CHSY3: variants seen among roughly 807,000 people sequenced by gnomAD.
The protein encoded by CHSY3 is chondroitin sulfate synthase 3, also known as N-acetylgalactosaminyl-proteoglycan 3-beta-glucuronosyltransferase 3.
In CHSY3, 35 loss-of-function variants were observed where a neutral mutation model predicts 67.2. That is an observed-to-expected ratio of 0.52 (90% CI 0.40 to 0.69). The LOEUF (loss-of-function observed/expected upper bound fraction) is 0.69, where lower values mean the gene tolerates loss of function less well. Among genes scored for constraint, CHSY3 ranks in the 30% least tolerant of loss-of-function variants. CHSY3 has a pLI of 0.00. For missense variants in CHSY3, 1,069 were observed against 1,138.5 expected, an observed-to-expected ratio of 0.94 and a Z score of 0.88; for synonymous variants, 474 against 434.7, an observed-to-expected ratio of 1.09 and a Z score of -1.12.
At chr5:130,161,800 A>T (rs2149728522) in intron 2 of CHSY3, among the ~76,000 whole-genome samples, 1 of 152,252 alleles carries the variant, frequency 6.6e-6, no homozygotes, top group South Asian at 2.1e-4. Flanking sequence ...GCACTCTGGG[A>T]GGCTGAGGCT....
At chr5:130,153,708 C>T (rs1281264437) in intron 2 of CHSY3, among the ~76,000 whole-genome samples, 1 of 152,170 alleles carries the variant, frequency 6.6e-6, no homozygotes, top group African/African-American at 2.4e-5. Flanking sequence ...GCACTGCTGC[C>T]AAGCCTCTGT....
chr5:129,963,980 C>T (rs1762405023), intron 2 of CHSY3, among the ~76,000 whole-genome samples: 1 of 151,892 alleles, frequency 6.6e-6, no homozygotes, highest in Non-Finnish European at 1.5e-5. Context: ...ATTTCTGAAT[C>T]ATGGTAGTGC....
intron 2 of CHSY3, among the ~76,000 whole-genome samples, chr5:129,990,222 C>T (rs185958746): frequency 6.6e-6 from 1 of 151,964 alleles, no homozygotes; most frequent in Non-Finnish European, 1.5e-5. Context: ...CTTCTGGTAG[C>T]AAATCCTTAA....
chr5:130,057,926 CAGAG>C (rs1015902688), intron 2 of CHSY3, among the ~76,000 whole-genome samples: 21 of 149,958 alleles, frequency 1.4e-4, no homozygotes, highest in Non-Finnish European at 2.4e-4. Context: ...GAGAGAGAGA[CAGAG>C]AGATACAGAG....
intron 2 of CHSY3, chr5:130,001,882 AG>A (rs1489602745): frequency 2.2e-6 from 2 of 929,716 alleles, no homozygotes; most frequent in South Asian, 5.0e-5. Context: ...TGTAACCAAA[AG>A]GTAATGGTGG....
At chr5:129,993,977 G>A (rs1455383692) in intron 2 of CHSY3, among the ~76,000 whole-genome samples, 4 of 152,114 alleles carry the variant, frequency 2.6e-5, no homozygotes, top group African/African-American at 9.7e-5. Context: ...ATGAAGCTTA[G>A]TTTGGCTGGA....
chr5:129,966,241 T>G (rs1762464853), intron 2 of CHSY3, among the ~76,000 whole-genome samples: 1 of 151,912 alleles, frequency 6.6e-6, no homozygotes, highest in Admixed American at 6.6e-5. Context: ...AATACATTCA[T>G]CTTTGGCAAC....
At chr5:129,930,857 T>C (rs2149588559) in intron 2 of CHSY3, among the ~76,000 whole-genome samples, 1 of 152,252 alleles carries the variant, frequency 6.6e-6, no homozygotes, top group Middle Eastern at 3.4e-3. Context: ...ACCCTACCAA[T>C]TAAAGTAACA....
intron 2 of CHSY3, among the ~76,000 whole-genome samples, chr5:130,093,560 T>C (rs1488357967): frequency 2.6e-5 from 4 of 152,200 alleles, no homozygotes; most frequent in African/African-American, 9.6e-5. Context: ...CTTCATATGC[T>C]TGAATTTGCT....
chr5:130,015,048 G>A (rs1390406623), intron 2 of CHSY3, among the ~76,000 whole-genome samples: 1 of 152,208 alleles, frequency 6.6e-6, no homozygotes, highest in Non-Finnish European at 1.5e-5. Flanking sequence ...AATTCCCACT[G>A]TTAGAGGAGG....
chr5:129,923,517 G>A (rs1760990846), intron 2 of CHSY3, among the ~76,000 whole-genome samples: 1 of 152,116 alleles, frequency 6.6e-6, no homozygotes, highest in Non-Finnish European at 1.5e-5. Context: ...ATTTTATAAT[G>A]GGAAAGACAA....
chr5:130,019,797 A>G (rs1764314878), intron 2 of CHSY3, among the ~76,000 whole-genome samples: 1 of 152,194 alleles, frequency 6.6e-6, no homozygotes, highest in Admixed American at 6.5e-5. Context: ...CTCTCATGTC[A>G]CTAACGCTAT....
chr5:129,955,006 C>T (rs1372640249), intron 2 of CHSY3, among the ~76,000 whole-genome samples: 1 of 152,002 alleles, frequency 6.6e-6, no homozygotes, highest in South Asian at 2.1e-4. Context: ...GTAGGTGTGT[C>T]TATAGGCGCA....
chr5:130,010,743 C>A (rs1764030916), intron 2 of CHSY3, among the ~76,000 whole-genome samples: 1 of 151,888 alleles, frequency 6.6e-6, no homozygotes, highest in South Asian at 2.1e-4. Flanking sequence ...ACTAGGTAGA[C>A]AAATAAAATG....
chr5:130,124,102 T>C (rs938281968), intron 2 of CHSY3, among the ~76,000 whole-genome samples: 3 of 128,502 alleles, frequency 2.3e-5, no homozygotes, highest in African/African-American at 8.8e-5. Context: ...GGAAAAAGCA[T>C]AAAATTGACT....
chr5:129,904,702 C>T lies in CHSY3; in HGVS notation c.-128C>T. On this transcript the variant is annotated 5_prime_UTR_variant, in exon 1 of 3. Coordinates refer to ENST00000305031, the MANE Select transcript of CHSY3 (RefSeq NM_175856.5). Reference sequence around the variant, plus strand: ...CGGCGCTTCGACCTCCAGCCGGTGTCGGCGCCTAGGCGGCCGGCTGCGGCC... The same window carrying T: ...CGGCGCTTCGACCTCCAGCCGGTGTTGGCGCCTAGGCGGCCGGCTGCGGCC... 6 of 1,213,724 alleles carry T rather than the reference C, an allele frequency of 4.9e-6. No homozygotes were observed. Among genetic ancestry groups the T allele is most frequent in the South Asian group, 4.1e-5 (1 of 24,544 alleles). The allele number at this position is 1,213,724 out of a possible 1,614,324, so 75.2% of individuals were successfully genotyped here.
At chr5:129,942,527 G>A (rs994098749) in intron 2 of CHSY3, among the ~76,000 whole-genome samples, 24 of 152,064 alleles carry the variant, frequency 1.6e-4, no homozygotes, top group Non-Finnish European at 7.4e-5. Flanking sequence ...AGATTAGCTA[G>A]AATGAAAGAA....
intron 2 of CHSY3, among the ~76,000 whole-genome samples, chr5:130,006,538 AACTCAG>A (rs1264299624): frequency 6.6e-6 from 1 of 152,166 alleles, no homozygotes; most frequent in Non-Finnish European, 1.5e-5. Context: ...TGATTGGTGA[AACTCAG>A]AATATATAAA....
chr5:129,966,857 T>C (rs1237659366), intron 2 of CHSY3, among the ~76,000 whole-genome samples: 2 of 151,870 alleles, frequency 1.3e-5, no homozygotes, highest in Admixed American at 1.3e-4. Flanking sequence ...TGCCTGACTT[T>C]ATTTTCTTTC....
Sources: gnomAD v4.1 joint callset for allele counts (sites outside exome capture counted in the v4.1 genomes callset) on GRCh38, gnomAD v4.1.1 for gene constraint, MANE v1.5 for transcripts, NCBI Gene and HGNC (gene_info 2026-07-23, HGNC 2026-07-21) for gene names.